Variants in C1orf21 observed in about 807,000 individuals in gnomAD.
The protein encoded by C1orf21 is uncharacterized protein C1orf21.
A neutral mutation model predicts 18.7 loss-of-function variants in C1orf21; 3 were observed. The ratio of observed to expected loss-of-function variants is 0.16; its 90% CI spans 0.07 to 0.42. The LOEUF is 0.42. Ranked by LOEUF, C1orf21 falls within the 10% of genes least tolerant of loss-of-function variation. C1orf21 has a pLI of 0.99. For missense variants in C1orf21, 104 were observed against 143.6 expected (o/e 0.72, Z 1.41); for synonymous variants, 41 against 46.4 (o/e 0.88, Z 0.47).
At chr1:184,610,270 C>G (rs1659708978) in intron 5 of C1orf21, among the ~76,000 whole-genome samples, 1 of 152,236 alleles carries the variant, frequency 6.6e-6, no homozygotes, top group South Asian at 2.1e-4. Flanking sequence ...CATACTCATT[C>G]ATTTACTTTT....
intron 3 of C1orf21, among the ~76,000 whole-genome samples, chr1:184,534,178 G>A (rs2101974362): frequency 6.6e-6 from 1 of 152,296 alleles, no homozygotes; most frequent in East Asian, 1.9e-4. Context: ...ACAGTCACTA[G>A]CTCATTGGAG....
intron 3 of C1orf21, among the ~76,000 whole-genome samples, chr1:184,580,984 G>C (rs1436901939): frequency 6.6e-6 from 1 of 152,060 alleles, no homozygotes; most frequent in South Asian, 2.1e-4. Context: ...AAGTAAGTAG[G>C]AACATCTAAC....
intron 1 of C1orf21, among the ~76,000 whole-genome samples, chr1:184,440,940 G>A (rs1011509542): frequency 6.6e-6 from 1 of 152,182 alleles, no homozygotes; most frequent in Admixed American, 6.5e-5. Flanking sequence ...CTGAAAGATA[G>A]AGAAGTTCTC....
At chr1:184,466,633 G>T (rs1037669930) in intron 1 of C1orf21, among the ~76,000 whole-genome samples, 2 of 152,132 alleles carry the variant, frequency 1.3e-5, no homozygotes, top group African/African-American at 4.8e-5. Flanking sequence ...ATTTCAATTT[G>T]TTTTGCCTTC....
intron 1 of C1orf21, among the ~76,000 whole-genome samples, chr1:184,423,895 A>G (rs1412232130): frequency 6.6e-6 from 1 of 151,618 alleles, no homozygotes; most frequent in Non-Finnish European, 1.5e-5. Context: ...CCATCCATCC[A>G]TCCATCAATC....
In C1orf21 at chr1:184,554,515, T is replaced by C. The variant is rs550628576; in HGVS notation, c.190-36224T>C. ...ATTACAATAAAAGGAAATTTTGCTG[T>C]GTTATTTCAGTTTTCAGTAGCAAAT... On this transcript the variant is annotated intron_variant, in intron 3 of 5. Transcript: ENST00000235307. Among the ~76,000 whole-genome samples the C allele has an allele frequency of 3.9e-5, 6 of 152,346 alleles. No individual in the cohort carries two copies. In the East Asian group the frequency reaches 1.2e-3, roughly 29 times the overall value.
chr1:184,428,406 A>C (rs1656674905), intron 1 of C1orf21, among the ~76,000 whole-genome samples: 1 of 152,188 alleles, frequency 6.6e-6, no homozygotes, highest in Non-Finnish European at 1.5e-5. Context: ...CAGAAGAAAT[A>C]ATTCTTTTTC....
intron 1 of C1orf21, among the ~76,000 whole-genome samples, chr1:184,404,994 A>G (rs1350883060): frequency 1.3e-5 from 2 of 152,146 alleles, no homozygotes; most frequent in Non-Finnish European, 2.9e-5. Context: ...AAGCCTGTGC[A>G]AAACCCTTGC....
intron 1 of C1orf21, among the ~76,000 whole-genome samples, chr1:184,408,596 T>G (rs1001609420): frequency 8.5e-5 from 13 of 152,222 alleles, no homozygotes; most frequent in Non-Finnish European, 1.8e-4. Flanking sequence ...CAAAGGTTAT[T>G]ATTTGGGTCA....
chr1:184,521,660 G>A (rs886222890), intron 3 of C1orf21, among the ~76,000 whole-genome samples: 2 of 152,174 alleles, frequency 1.3e-5, no homozygotes, highest in Non-Finnish European at 2.9e-5. Context: ...AAACTATTCT[G>A]TATGGTACTG....
At chr1:184,592,998 C>G (rs80011731) in intron 4 of C1orf21, among the ~76,000 whole-genome samples, 9,452 of 152,234 alleles carry the variant, frequency 0.062, 422 homozygotes, top group African/African-American at 0.11. Context: ...CCTTACTGCT[C>G]ATCACGTTCA....
At chr1:184,574,765 CT>C (rs1264231520) in intron 3 of C1orf21, among the ~76,000 whole-genome samples, 2 of 152,136 alleles carry the variant, frequency 1.3e-5, no homozygotes, top group African/African-American at 4.8e-5. Context: ...TGAAAGCCTC[CT>C]AGTGAAAGAG....
At chr1:184,533,861 G>A (rs767950483) in intron 3 of C1orf21, among the ~76,000 whole-genome samples, 17 of 152,176 alleles carry the variant, frequency 1.1e-4, no homozygotes, top group Non-Finnish European at 2.1e-4. Context: ...TGGTGTGTAC[G>A]TCTCTACCTT....
At chr1:184,418,389 T>C (rs1448338083) in intron 1 of C1orf21, among the ~76,000 whole-genome samples, 6 of 152,164 alleles carry the variant, frequency 3.9e-5, no homozygotes, top group Admixed American at 3.3e-4. Context: ...TTTTTGTATG[T>C]TTTTTGTAGA....
Position 184,456,816 on chromosome 1 carries a change from T to G in C1orf21, c.-124-20570T>G, listed in dbSNP as rs1324592289. ...TATTATATTGCAGTTTCTTACTTGCTCATCTTTTACTCTGTGACAATCACT... is the reference window on the plus strand; with the variant it reads ...TATTATATTGCAGTTTCTTACTTGCGCATCTTTTACTCTGTGACAATCACT... On this transcript the variant is annotated intron_variant, in intron 1 of 5. Transcript: ENST00000235307. 2.6e-5 allele frequency among the ~76,000 whole-genome samples: 4 copies of G among 152,316 alleles called. No individual in the cohort carries two copies. In the South Asian group the frequency reaches 6.2e-4, roughly 24 times the overall value.
intron 2 of C1orf21, among the ~76,000 whole-genome samples, chr1:184,480,948 GGACATACTTTAGGTTGC>G (rs1192221761): frequency 6.6e-6 from 1 of 152,076 alleles, no homozygotes; most frequent in Non-Finnish European, 1.5e-5. Context: ...CTTCCATCAG[GGACATACTTTAGGTTGC>G]AAATTGACTG....
At chr1:184,544,199 A>G (rs1658696719) in intron 3 of C1orf21, among the ~76,000 whole-genome samples, 1 of 152,070 alleles carries the variant, frequency 6.6e-6, no homozygotes, top group Non-Finnish European at 1.5e-5. Flanking sequence ...AGACACTCTC[A>G]CTCCTAGACT....
At chr1:184,392,122 C>A (rs940055477) in intron 1 of C1orf21, among the ~76,000 whole-genome samples, 2 of 152,206 alleles carry the variant, frequency 1.3e-5, no homozygotes, top group East Asian at 3.8e-4. Flanking sequence ...ATCTTATTTG[C>A]CTCAGGGATT....
At chr1:184,458,261 G>A (rs939716504) in intron 1 of C1orf21, among the ~76,000 whole-genome samples, 1 of 152,148 alleles carries the variant, frequency 6.6e-6, no homozygotes, top group African/African-American at 2.4e-5. Flanking sequence ...TGATTCCGGT[G>A]GGGGAAGTTC....
Sources: gnomAD v4.1 joint callset for allele counts (sites outside exome capture counted in the v4.1 genomes callset) on GRCh38, gnomAD v4.1.1 for gene constraint, MANE v1.5 for transcripts, NCBI Gene and HGNC (gene_info 2026-07-23, HGNC 2026-07-21) for gene names.